TTC38: variants seen among roughly 807,000 people sequenced by gnomAD.
TTC38 encodes the protein tetratricopeptide repeat protein 38.
Under a neutral mutation model 64.2 loss-of-function variants are expected in TTC38, and 64 were observed. That is an observed-to-expected ratio of 1.00 (90% confidence interval 0.81 to 1.23). TTC38 has a LOEUF of 1.23. Ranked by LOEUF, TTC38 falls within the 50% of genes most tolerant of loss-of-function variation. The pLI, the probability that TTC38 is intolerant of heterozygous loss-of-function variation, is 0.00. For missense variants in TTC38, 573 were observed against 615.5 expected, an observed-to-expected ratio of 0.93 and a Z score of 0.73; for synonymous variants, 254 against 249.3, an observed-to-expected ratio of 1.02 and a Z score of -0.18.
intron 13 of TTC38, among the ~76,000 whole-genome samples, chr22:46,290,140 CTAA>C: frequency 6.6e-6 from 1 of 152,264 alleles, no homozygotes; most frequent in East Asian, 1.9e-4. Context: ...TTTAGCCTTG[CTAA>C]GCTACCTGGG....
At chr22:46,278,823 G>A (rs1050437861) in intron 6 of TTC38, among the ~76,000 whole-genome samples, 162 bp downstream of exon 6, 1 of 152,222 alleles carries the variant, frequency 6.6e-6, no homozygotes, top group Non-Finnish European at 1.5e-5. Flanking sequence ...AGCAGCTGCC[G>A]CCCGCCAGGG....
chr22:46,289,620 C>A (rs1907944572), intron 12 of TTC38, 59 bp downstream of exon 12: 3 of 1,535,574 alleles, frequency 2.0e-6, no homozygotes, highest in Admixed American at 3.7e-5. Context: ...TCTGGGCGCC[C>A]CGCAGCCCCC....
rs909477261 is a variant in TTC38 at position 46,282,352 on chromosome 22, G to T, written c.735+634G>T. ...TCCAGGGGAGGCAAGGTGGTGTCCA[G>T]GCAGAGGCAGAAACGCCTGCAGAGG... is the stretch of plus-strand genomic sequence containing the variant. On this transcript the variant is annotated intron_variant, in intron 7 of 13. Transcript: ENST00000381031. The surrounding 1 kb of genome is among the most constrained non-coding windows in gnomAD (Gnocchi z 4.4). Among the ~76,000 whole-genome samples, 60 of 152,260 alleles carry T rather than the reference G, an allele frequency of 3.9e-4. No individual in the cohort carries two copies. The highest frequency in any genetic ancestry group is 1.4e-3 in the African/African-American group (58 of 41,538).
At chr22:46,279,972 C>T in intron 6 of TTC38, 1 of 365,772 alleles carries the variant, frequency 2.7e-6, no homozygotes, top group South Asian at 2.1e-5. Flanking sequence ...GCCAAAAAAA[C>T]ATGCAAGCCC....
rs914032855 is a variant in TTC38, at chr22:46,292,730, C to T, written c.1317-61C>T. 1.6e-5 allele frequency: 23 copies of T among 1,462,142 alleles called. No homozygotes were observed. The highest frequency in any genetic ancestry group is 2.1e-5 in the Non-Finnish European group (22 of 1,044,672). 90.6% of individuals were successfully genotyped at this position (1,462,142 alleles called of 1,614,324 possible). On this transcript the variant is annotated intron_variant, in intron 13 of 13. Transcript: ENST00000381031. This position sits in a 1 kb window ranked among gnomAD's most constrained non-coding sequence, Gnocchi z 6.5. ...GTGTTCTGCCTTGGGACCAAGGGAC[C>T]ACCAGGCCCCACATCCCTCTAGAAG... is the stretch of plus-strand genomic sequence containing the variant.
chr22:46,279,449 T>C (rs2077517302), intron 6 of TTC38, among the ~76,000 whole-genome samples: 1 of 152,162 alleles, frequency 6.6e-6, no homozygotes, highest in Admixed American at 6.5e-5. Flanking sequence ...AGGCCAAGGC[T>C]AGAGCCTGCC....
At position 46,288,435 on chromosome 22, in the gene TTC38, G is replaced by A; in HGVS notation, c.929G>A (p.Gly310Asp). The A allele has an allele frequency of 6.2e-7, 1 of 1,613,646 alleles. No homozygotes were observed. Among genetic ancestry groups the A allele is most frequent in the Non-Finnish European group, 8.5e-7 (1 of 1,179,736 alleles). Residue 310 changes from glycine (G) to aspartate (D), a missense_variant, in exon 11 of 14, where the codon GGC (glycine) becomes GAC (aspartate). Physicochemically the swap from Gly to Asp is moderately conservative, Grantham distance 94. This residue lies in a region of TTC38 where 371 missense variants were observed against 381.8 expected (regional missense o/e 0.97). Transcript: ENST00000381031. ...YRLQMEGVSV[G>D]QRWQDVLPVA... ...CCCATGTCCTCAGGAGTGTCTGTGGGCCAGCGGTGGCAGGATGTCCTGCCT... is the reference window on the plus strand; with the variant it reads ...CCCATGTCCTCAGGAGTGTCTGTGGACCAGCGGTGGCAGGATGTCCTGCCT...
chr22:46,292,322 T>C lies in TTC38; in HGVS notation c.1317-469T>C, dbSNP rs1341227669. On this transcript the variant is annotated intron_variant, in intron 13 of 13. Coordinates refer to ENST00000381031, the MANE Select transcript of TTC38 (RefSeq NM_017931.4). The surrounding 1 kb of genome is among the most constrained non-coding windows in gnomAD (Gnocchi z 6.5). Reference sequence around the variant, plus strand: ...CCTCATCCTTCCATCGTGCAGGGATTACAGGGGTGAGCCACCACACCTATC... The same window carrying C: ...CCTCATCCTTCCATCGTGCAGGGATCACAGGGGTGAGCCACCACACCTATC... 8.0e-6 allele frequency: 3 copies of C among 376,542 alleles called. No homozygotes were observed. Among genetic ancestry groups the C allele is most frequent in the African/African-American group, 4.2e-5 (2 of 47,132 alleles). 23.3% of individuals were successfully genotyped at this position (376,542 alleles called of 1,614,324 possible).
rs9627363 is a variant in TTC38 at position 46,270,264 on chromosome 22, T to G, written c.111+1673T>G. 6.6e-6 allele frequency among the ~76,000 whole-genome samples: 1 copy of G among 152,054 alleles called. No homozygotes were observed. Among genetic ancestry groups the G allele is most frequent in the Non-Finnish European group, 1.5e-5 (1 of 68,028 alleles). Reference sequence around the variant, plus strand: ...TATCTTGTCAAAATGCTTGCGTAGCTTATAGTCTCAGCTATTTGGGAGGCT... The same window carrying G: ...TATCTTGTCAAAATGCTTGCGTAGCGTATAGTCTCAGCTATTTGGGAGGCT... On this transcript the variant is annotated intron_variant, in intron 2 of 13. Transcript: ENST00000381031. The surrounding 1 kb of genome is among the most constrained non-coding windows in gnomAD (Gnocchi z 4.7).
chr22:46,274,496 A>G lies in TTC38; in HGVS notation c.365+427A>G, dbSNP rs2147787314. ...TTCACATCATCCCCCCGCTGTTCCTATGCTGGTTCCCTCATTCTCCGGGAC... is the reference window on the plus strand; with the variant it reads ...TTCACATCATCCCCCCGCTGTTCCTGTGCTGGTTCCCTCATTCTCCGGGAC... On this transcript the variant is annotated intron_variant, in intron 4 of 13. Coordinates refer to ENST00000381031, the MANE Select transcript of TTC38 (RefSeq NM_017931.4). The surrounding 1 kb of genome is among the most constrained non-coding windows in gnomAD (Gnocchi z 4.8). Among the ~76,000 whole-genome samples, 1 of 152,274 alleles carries G rather than the reference A, an allele frequency of 6.6e-6. No individual in the cohort carries two copies. Among genetic ancestry groups the G allele is most frequent in the East Asian group, 1.9e-4 (1 of 5,190 alleles).
chr22:46,292,990 T>C lies in TTC38; in HGVS notation c.*106T>C, dbSNP rs994033052. The C allele has an allele frequency of 9.9e-6, 8 of 809,848 alleles. No homozygotes were observed. The highest frequency in any genetic ancestry group is 8.4e-5 in the African/African-American group (5 of 59,430). 50.2% of individuals were successfully genotyped at this position (809,848 alleles called of 1,614,324 possible). On this transcript the variant is annotated 3_prime_UTR_variant, in exon 14 of 14. Coordinates refer to ENST00000381031, the MANE Select transcript of TTC38 (RefSeq NM_017931.4). This position sits in a 1 kb window ranked among gnomAD's most constrained non-coding sequence, Gnocchi z 6.5. ...CAGGAGACGGCCAGAGCCTGTTTGT[T>C]AGGGCTGTTAGAGGGTGATCTTCAG...
At chr22:46,268,432 A>AG in intron 1 of TTC38, 82 bp from the exon 2 acceptor site, 1 of 1,433,940 alleles carries the variant, frequency 7.0e-7, no homozygotes, top group Non-Finnish European at 9.7e-7. Flanking sequence ...TGGAGGTCAG[A>AG]GGGGCCAGGA....
intron 7 of TTC38, among the ~76,000 whole-genome samples, chr22:46,283,657 C>T (rs1326650726): frequency 6.6e-6 from 1 of 151,788 alleles, no homozygotes; most frequent in Admixed American, 6.6e-5. Context: ...TTCGAGACCA[C>T]CCTGGCCAAC....
chr22:46,289,346 CT>C, intron 11 of TTC38, 55 bp from the exon 12 acceptor site: 1 of 1,578,624 alleles, frequency 6.3e-7, no homozygotes, highest in South Asian at 1.1e-5. Flanking sequence ...TGGCTCTGCC[CT>C]TCCCGGATGT....
At chr22:46,279,724 G>C (rs2077519693) in intron 6 of TTC38, among the ~76,000 whole-genome samples, 2 of 152,222 alleles carry the variant, frequency 1.3e-5, no homozygotes, top group African/African-American at 4.8e-5. Flanking sequence ...TTAACTCTGA[G>C]TCAGGGCAGG....
chr22:46,288,066 T>C (rs1184568097), intron 10 of TTC38, among the ~76,000 whole-genome samples: 1 of 151,674 alleles, frequency 6.6e-6, no homozygotes. Flanking sequence ...GTGGGGAGCC[T>C]GGGGGATCCT....
At position 46,275,155 on chromosome 22, in the gene TTC38, A is replaced by G; in HGVS notation, c.366-93A>G. 5 of 1,248,056 alleles carry G rather than the reference A, an allele frequency of 4.0e-6. No homozygotes were observed. The highest frequency in any genetic ancestry group is 5.6e-6 in the Non-Finnish European group (5 of 885,812). 77.3% of individuals were successfully genotyped at this position (1,248,056 alleles called of 1,614,324 possible). ...TTTTTAAAAAAACACATCCATGTAG[A>G]CCATGACACTGGTGAGAAACAATGC... On this transcript the variant is annotated intron_variant, in intron 4 of 13. Coordinates refer to ENST00000381031, the MANE Select transcript of TTC38 (RefSeq NM_017931.4). The surrounding 1 kb of genome is among the most constrained non-coding windows in gnomAD (Gnocchi z 4.5).
rs1386849907 is a variant in TTC38, at chr22:46,270,590, T to G, written c.112-1745T>G. 1.3e-5 allele frequency among the ~76,000 whole-genome samples: 2 copies of G among 152,172 alleles called. No homozygotes were observed. The highest frequency in any genetic ancestry group is 4.8e-5 in the African/African-American group (2 of 41,432). On this transcript the variant is annotated intron_variant, in intron 2 of 13. Coordinates refer to ENST00000381031, the MANE Select transcript of TTC38 (RefSeq NM_017931.4). The surrounding 1 kb of genome is among the most constrained non-coding windows in gnomAD (Gnocchi z 4.7). ...ACTCACGCCTGTAATCCCAGCACTT[T>G]GGGAGGCTGAGGCAGGTGGATCATC...
In TTC38 at chr22:46,292,268, C is replaced by T. The variant is rs1569029092; in HGVS notation, c.1317-523C>T. ...GTGTGATCACAGTTCACTGTAAACT[C>T]AAACTCCTGGGCTCAAGGAATCTTC... On this transcript the variant is annotated intron_variant, in intron 13 of 13. Transcript: ENST00000381031. This position sits in a 1 kb window ranked among gnomAD's most constrained non-coding sequence, Gnocchi z 6.5. 1 of 438,968 alleles carries T rather than the reference C, an allele frequency of 2.3e-6. No individual in the cohort carries two copies. The highest frequency in any genetic ancestry group is 7.1e-5 in the East Asian group (1 of 14,044). The allele number at this position is 438,968 out of a possible 1,614,324, so 27.2% of individuals were successfully genotyped here.
Sources: allele counts gnomAD v4.1 joint callset (sites outside exome capture counted in the v4.1 genomes callset), GRCh38; gene constraint gnomAD v4.1.1; regional missense constraint gnomAD v4.1.1; non-coding constraint Gnocchi (gnomAD v3.1); transcripts MANE v1.5; gene names NCBI Gene and HGNC (gene_info 2026-07-23, HGNC 2026-07-21).